Variants in VPS13A observed in about 807,000 individuals in gnomAD.
The protein encoded by VPS13A is vacuolar protein sorting 13 homolog A.
In VPS13A, 264 loss-of-function variants were observed where a neutral mutation model predicts 390.9. The ratio of observed to expected loss-of-function variants is 0.68; its 90% CI spans 0.61 to 0.75. The LOEUF is 0.75. Among genes scored for constraint, VPS13A ranks in the 30% least tolerant of loss-of-function variants. The pLI, the probability that VPS13A is intolerant of heterozygous loss-of-function variation, is 0.00. For synonymous variants in VPS13A, 1,231 were observed against 1,227.1 expected (o/e 1.00, Z -0.07); for missense variants, 3,409 against 3,733.9 (o/e 0.91, Z 2.27).
At chr9:77,303,774 A>G (rs1382579021) in intron 34 of VPS13A, among the ~76,000 whole-genome samples, 1 of 152,128 alleles carries the variant, frequency 6.6e-6, no homozygotes, top group Non-Finnish European at 1.5e-5. Flanking sequence ...GTTTCTCTCC[A>G]CCCAAACATC....
chr9:77,277,502 A>G (rs894033612), intron 26 of VPS13A, among the ~76,000 whole-genome samples: 16 of 152,210 alleles, frequency 1.1e-4, no homozygotes, highest in African/African-American at 1.4e-4. Context: ...TTGGACATGT[A>G]TAATGACATG....
At chr9:77,353,904 G>C (rs902390970) in intron 54 of VPS13A, among the ~76,000 whole-genome samples, 1 of 152,036 alleles carries the variant, frequency 6.6e-6, no homozygotes, top group African/African-American at 2.4e-5. Context: ...CTTGCCAAAA[G>C]TATGTTTTGC....
At chr9:77,362,062 G>A (rs562507153) in intron 59 of VPS13A, among the ~76,000 whole-genome samples, 2 of 151,952 alleles carry the variant, frequency 1.3e-5, no homozygotes, top group African/African-American at 4.8e-5. Context: ...CTCGATACAG[G>A]TCTCTTATCA....
intron 1 of VPS13A, among the ~76,000 whole-genome samples, chr9:77,195,194 G>C (rs1352983345): frequency 6.6e-6 from 1 of 152,130 alleles, no homozygotes; most frequent in East Asian, 2.0e-4. Flanking sequence ...CGCAATCTCG[G>C]CTCACTGGAA....
chr9:77,360,697 T>C (rs1832095301), intron 59 of VPS13A, 56 bp downstream of exon 59: 6 of 1,321,370 alleles, frequency 4.5e-6, no homozygotes, highest in South Asian at 2.5e-5. Context: ...GATATTATTA[T>C]AAATTTTTAA....
chr9:77,341,915 T>C (rs1365596831), intron 50 of VPS13A, among the ~76,000 whole-genome samples: 3 of 152,058 alleles, frequency 2.0e-5, no homozygotes, highest in African/African-American at 4.8e-5. Flanking sequence ...GTTTACGTTT[T>C]AGTGGGTATA....
chr9:77,271,989 T>C (rs1038103848), intron 23 of VPS13A, among the ~76,000 whole-genome samples: 1 of 152,134 alleles, frequency 6.6e-6, no homozygotes, highest in African/African-American at 2.4e-5. Flanking sequence ...TGTGTTTACT[T>C]TCTGAAAATG....
chr9:77,411,003 C>G (rs1184943131), intron 71 of VPS13A, among the ~76,000 whole-genome samples: 1 of 152,204 alleles, frequency 6.6e-6, no homozygotes, highest in East Asian at 1.9e-4. Context: ...CAGCACCACA[C>G]TGCACTTATT....
intron 68 of VPS13A, among the ~76,000 whole-genome samples, chr9:77,401,008 T>C (rs1834365451): frequency 6.6e-6 from 1 of 152,156 alleles, no homozygotes; most frequent in Non-Finnish European, 1.5e-5. Context: ...ACCCACTAAT[T>C]TGAAGTGCTG....
chr9:77,304,439 T>C (rs1212118509), intron 34 of VPS13A, among the ~76,000 whole-genome samples: 2 of 152,188 alleles, frequency 1.3e-5, no homozygotes, highest in African/African-American at 4.8e-5. Context: ...TGATCTCTCT[T>C]TCTTTTCCCT....
chr9:77,308,120 T>C (rs1396597949), intron 35 of VPS13A, 22 bp downstream of exon 35: 1 of 1,612,840 alleles, frequency 6.2e-7, no homozygotes, highest in Non-Finnish European at 8.5e-7. Flanking sequence ...ACTTCAAATT[T>C]CTTTCTGCTT....
At chr9:77,352,036 A>T (rs189894211) in intron 53 of VPS13A, among the ~76,000 whole-genome samples, 1 of 152,170 alleles carries the variant, frequency 6.6e-6, no homozygotes, top group Admixed American at 6.5e-5. Flanking sequence ...TGTTTACATC[A>T]TTTGCTTCTA....
intron 46 of VPS13A, among the ~76,000 whole-genome samples, chr9:77,333,634 G>A (rs147551399): frequency 4.0e-4 from 61 of 151,822 alleles, no homozygotes; most frequent in African/African-American, 1.4e-3. Flanking sequence ...GGCTGGTCTC[G>A]AACTCATAAT....
rs113302775 is a variant in VPS13A, at chr9:77,195,138, T to C, written c.101-4807T>C. Among the ~76,000 whole-genome samples the C allele has an allele frequency of 2.5e-3, 388 of 152,282 alleles. 1 individual carries two copies. The highest frequency in any genetic ancestry group is 8.8e-3 in the African/African-American group (365 of 41,560). The stretch of plus-strand genomic sequence containing the variant: ...AGCTCTTGGATCCATTTTGAGTTAA[T>C]TTTTGAATATGGTATAAGCCTGTCA... On this transcript the variant is annotated intron_variant, in intron 1 of 71. Transcript: ENST00000360280.
intron 71 of VPS13A, among the ~76,000 whole-genome samples, chr9:77,414,705 G>A (rs550736854): frequency 1.8e-4 from 27 of 150,816 alleles, no homozygotes; most frequent in African/African-American, 4.4e-4. Context: ...TAACCTGCAC[G>A]TTGTGCACAT....
chr9:77,216,440 C>T (rs550813679), intron 10 of VPS13A, among the ~76,000 whole-genome samples: 59 of 152,136 alleles, frequency 3.9e-4, no homozygotes, highest in African/African-American at 1.2e-3. Context: ...GCAGGAGAAA[C>T]GGGGGACAGT....
intron 9 of VPS13A, 110 bp downstream of exon 9, chr9:77,213,424 C>G (rs978932774): frequency 3.4e-5 from 29 of 842,902 alleles, no homozygotes; most frequent in Non-Finnish European, 4.5e-5. Context: ...TAGGCACAAT[C>G]TATTAGCAGA....
chr9:77,241,277 TC>T (rs1261189807), intron 19 of VPS13A, among the ~76,000 whole-genome samples: 1 of 152,176 alleles, frequency 6.6e-6, no homozygotes, highest in Non-Finnish European at 1.5e-5. Context: ...ATTTACTGAG[TC>T]CTTCTGTAGC....
intron 24 of VPS13A, among the ~76,000 whole-genome samples, chr9:77,275,035 C>T (rs1826565319): frequency 6.6e-6 from 1 of 152,044 alleles, no homozygotes; most frequent in Non-Finnish European, 1.5e-5. Flanking sequence ...CAAAGTAGTG[C>T]TTGATCTCAG....
Sources: gnomAD v4.1 joint callset for allele counts (sites outside exome capture counted in the v4.1 genomes callset) on GRCh38, gnomAD v4.1.1 for gene constraint, MANE v1.5 for transcripts, NCBI Gene and HGNC (gene_info 2026-07-23, HGNC 2026-07-21) for gene names.